The following PCDH9 variants were observed in gnomAD, a reference collection of about 807,000 sequenced individuals.
The protein encoded by PCDH9 is protocadherin-9.
A neutral mutation model predicts 70.6 loss-of-function variants in PCDH9; 24 were observed. That is an observed-to-expected ratio of 0.34 (90% CI 0.25 to 0.48). The LOEUF (loss-of-function observed/expected upper bound fraction) is 0.48. Ranked by LOEUF, PCDH9 falls within the 20% of genes least tolerant of loss-of-function variation. PCDH9 has a pLI of 0.99. For missense variants in PCDH9, 1,281 were observed against 1,503.6 expected, an observed-to-expected ratio of 0.85 and a Z score of 2.45; for synonymous variants, 562 against 558.5, an observed-to-expected ratio of 1.01 and a Z score of -0.09.
intron 2 of PCDH9, among the ~76,000 whole-genome samples, chr13:67,111,435 C>T (rs976965244): frequency 6.6e-6 from 1 of 152,102 alleles, no homozygotes; most frequent in Non-Finnish European, 1.5e-5. Context: ...GCCAAAGGGG[C>T]CACTCTTAGG....
chr13:66,723,931 T>C (rs996876424), intron 3 of PCDH9, among the ~76,000 whole-genome samples: 1 of 152,174 alleles, frequency 6.6e-6, no homozygotes, highest in Non-Finnish European at 1.5e-5. Context: ...GATAGTCCTT[T>C]AAAATGTAAA....
At chr13:67,150,907 T>A (rs1353482413) in intron 2 of PCDH9, among the ~76,000 whole-genome samples, 2 of 152,286 alleles carry the variant, frequency 1.3e-5, no homozygotes, top group South Asian at 2.1e-4. Context: ...ATTAGCTTTC[T>A]TGTTTAACCA....
chr13:66,697,989 TAAA>T (rs1017584343), intron 3 of PCDH9, among the ~76,000 whole-genome samples: 2 of 152,154 alleles, frequency 1.3e-5, no homozygotes, highest in Non-Finnish European at 2.9e-5. Context: ...TGGATGAACA[TAAA>T]AATTATTATG....
At chr13:66,386,447 T>C (rs1002261815) in intron 4 of PCDH9, among the ~76,000 whole-genome samples, 7 of 152,252 alleles carry the variant, frequency 4.6e-5, no homozygotes, top group Admixed American at 2.0e-4. Flanking sequence ...GTGAATTAAG[T>C]TTAGGTGGAT....
Position 67,064,097 on chromosome 13 carries a change from A to T in PCDH9, c.3037-160492T>A, listed in dbSNP as rs2085594045. Among the ~76,000 whole-genome samples, 3 of 152,126 alleles carry T rather than the reference A, an allele frequency of 2.0e-5. 1 individual carries two copies. Among genetic ancestry groups the T allele is most frequent in the African/African-American group, 7.2e-5 (3 of 41,442 alleles). ...TGTCCCATCTGGTCCCAACTGTTAA[A>T]GTGCTGGAGACCTCTGTTGAGCAGC... On this transcript the variant is annotated intron_variant, in intron 2 of 4. Coordinates refer to ENST00000377865, the MANE Select transcript of PCDH9 (RefSeq NM_203487.3).
At chr13:66,731,953 A>C (rs1218471008) in intron 3 of PCDH9, among the ~76,000 whole-genome samples, 3 of 152,004 alleles carry the variant, frequency 2.0e-5, no homozygotes, top group African/African-American at 4.8e-5. Flanking sequence ...TAAGAACCTC[A>C]TCATATGTGG....
chr13:67,096,424 T>C (rs189584166), intron 2 of PCDH9, among the ~76,000 whole-genome samples: 2 of 152,320 alleles, frequency 1.3e-5, no homozygotes, highest in East Asian at 3.9e-4. Context: ...TAGGATATAT[T>C]CTTAAGAGTA....
At chr13:66,317,698 C>T (rs113078801) in intron 4 of PCDH9, among the ~76,000 whole-genome samples, 5 of 151,766 alleles carry the variant, frequency 3.3e-5, no homozygotes, top group African/African-American at 1.2e-4. Flanking sequence ...GAATTTAGTC[C>T]TTTGATACAG....
At chr13:66,947,871 G>A (rs1005762606) in intron 2 of PCDH9, among the ~76,000 whole-genome samples, 2 of 152,084 alleles carry the variant, frequency 1.3e-5, no homozygotes, top group African/African-American at 4.8e-5. Context: ...CTTTGAGCAA[G>A]GTGAATCTGT....
At chr13:67,165,970 G>A (rs1359353822) in intron 2 of PCDH9, among the ~76,000 whole-genome samples, 1 of 152,120 alleles carries the variant, frequency 6.6e-6, no homozygotes, top group Admixed American at 6.5e-5. Flanking sequence ...TCTATTACAA[G>A]TAATGAGTTA....
chr13:66,723,015 A>G (rs1422667293), intron 3 of PCDH9, among the ~76,000 whole-genome samples: 1 of 151,938 alleles, frequency 6.6e-6, no homozygotes, highest in South Asian at 2.1e-4. Context: ...AAGACTTTTA[A>G]TTGTGACATG....
At chr13:66,476,329 T>C (rs921424171) in intron 4 of PCDH9, among the ~76,000 whole-genome samples, 1 of 152,038 alleles carries the variant, frequency 6.6e-6, no homozygotes, top group Non-Finnish European at 1.5e-5. Flanking sequence ...CACTAAAATA[T>C]TATATGATGT....
intron 2 of PCDH9, among the ~76,000 whole-genome samples, chr13:67,163,143 G>A (rs1566466258): frequency 6.6e-6 from 1 of 152,024 alleles, no homozygotes; most frequent in East Asian, 1.9e-4. Context: ...GCATGAATGA[G>A]AATCAAAAGG....
chr13:66,483,447 G>T (rs1958878127), intron 4 of PCDH9, among the ~76,000 whole-genome samples: 1 of 152,188 alleles, frequency 6.6e-6, no homozygotes. Flanking sequence ...CAGGGTGAAG[G>T]AAGTTCCTAT....
At chr13:66,762,906 T>G (rs2139254420) in intron 3 of PCDH9, among the ~76,000 whole-genome samples, 1 of 152,186 alleles carries the variant, frequency 6.6e-6, no homozygotes, top group South Asian at 2.1e-4. Flanking sequence ...CAGTTCATAT[T>G]TAAATTCAGA....
chr13:66,844,010 C>T (rs1349009112), intron 3 of PCDH9, among the ~76,000 whole-genome samples: 1 of 151,928 alleles, frequency 6.6e-6, no homozygotes, highest in East Asian at 1.9e-4. Flanking sequence ...CTTTCTAATA[C>T]ATTTTTTTTT....
intron 4 of PCDH9, among the ~76,000 whole-genome samples, chr13:66,467,809 A>T (rs1186586120): frequency 6.6e-6 from 1 of 152,110 alleles, no homozygotes; most frequent in Non-Finnish European, 1.5e-5. Flanking sequence ...TATAGCAAAA[A>T]TTCTTAAAAT....
At chr13:66,497,813 A>G (rs905140631) in intron 4 of PCDH9, among the ~76,000 whole-genome samples, 2 of 134,318 alleles carry the variant, frequency 1.5e-5, no homozygotes, top group South Asian at 2.4e-4. Flanking sequence ...ACACACTCTT[A>G]CTTTTTTTTT....
intron 2 of PCDH9, among the ~76,000 whole-genome samples, chr13:67,161,614 G>T (rs1000906030): frequency 2.0e-5 from 3 of 152,184 alleles, no homozygotes; most frequent in Non-Finnish European, 2.9e-5. Context: ...AGACTCACAT[G>T]CAGATCTATT....
Sources: gnomAD v4.1 joint callset for allele counts (sites outside exome capture counted in the v4.1 genomes callset) on GRCh38, gnomAD v4.1.1 for gene constraint, MANE v1.5 for transcripts, NCBI Gene and HGNC (gene_info 2026-07-23, HGNC 2026-07-21) for gene names.